Variants in NR1D2 observed in about 807,000 individuals in gnomAD.
NR1D2 encodes nuclear receptor subfamily 1 group D member 2, also known as V-erbA-related protein 1-related.
A neutral mutation model predicts 52.2 loss-of-function variants in NR1D2; 25 were observed. The ratio of observed to expected loss-of-function variants is 0.48; its 90% CI spans 0.35 to 0.67. The LOEUF (loss-of-function observed/expected upper bound fraction) is 0.67, where lower values mean the gene tolerates loss of function less well. Among genes scored for constraint, NR1D2 ranks in the 30% least tolerant of loss-of-function variants. The probability of loss-of-function intolerance (pLI) is 0.01; values close to 1 mark genes in which losing one functional copy is unlikely to be tolerated. For synonymous variants in NR1D2, 259 were observed against 230.1 expected, an observed-to-expected ratio of 1.13 and a Z score of -1.14; for missense variants, 681 against 707.2, an observed-to-expected ratio of 0.96 and a Z score of 0.42.
intron 3 of NR1D2, 95 bp downstream of exon 3, chr3:23,956,220 C>A: frequency 1.1e-6 from 1 of 911,692 alleles, no homozygotes; most frequent in Non-Finnish European, 1.8e-6. Context: ...GTCTGAGAGA[C>A]AGTGAGAAGT....
chr3:23,953,633 C>T (rs1030207035), intron 1 of NR1D2, among the ~76,000 whole-genome samples: 6 of 152,148 alleles, frequency 3.9e-5, no homozygotes, highest in Admixed American at 6.6e-5. Flanking sequence ...TGGATAGCCA[C>T]ATATGTCTTC....
At chr3:23,974,809 C>A (rs1706681021) in intron 7 of NR1D2, among the ~76,000 whole-genome samples, 1 of 151,136 alleles carries the variant, frequency 6.6e-6, no homozygotes, top group Non-Finnish European at 1.5e-5. Flanking sequence ...CCCCACAAAC[C>A]AATATCCAAT....
Position 23,954,684 on chromosome 3 carries a change from C to G in NR1D2, c.164C>G (p.Pro55Arg). The G allele has an allele frequency of 6.2e-7, 1 of 1,614,010 alleles. No individual in the cohort carries two copies. Among genetic ancestry groups the G allele is most frequent in the African/African-American group, 1.3e-5 (1 of 75,000 alleles). The change falls in exon 2 of 8, where the codon CCC becomes CGC. Residue 55 changes from proline to arginine, a missense_variant. Physicochemically the swap from Pro to Arg is moderately radical, Grantham distance 103 (BLOSUM62 -2). Coordinates refer to ENST00000312521, the MANE Select transcript of NR1D2 (RefSeq NM_005126.5). ...NSSNSDTNGN[P>R]KNGDLANIEG... ...TCTAATTCTGATACCAATGGTAATC[C>G]CAAGAATGGTGATCTCGCCAATATT...
intron 2 of NR1D2, 82 bp downstream of exon 2, chr3:23,954,885 A>G (rs1448535984): frequency 1.1e-5 from 14 of 1,276,816 alleles, no homozygotes; most frequent in Admixed American, 1.8e-5. Context: ...TTAGGTGGCC[A>G]TTATGTTTCT....
intron 6 of NR1D2, among the ~76,000 whole-genome samples, chr3:23,966,511 G>A (rs1463100103): frequency 3.9e-5 from 6 of 152,186 alleles, no homozygotes; most frequent in Non-Finnish European, 8.8e-5. Flanking sequence ...TTTACTTAAG[G>A]CATAGAGGCC....
intron 5 of NR1D2, among the ~76,000 whole-genome samples, chr3:23,964,295 T>G (rs1169759686): frequency 6.6e-6 from 1 of 152,142 alleles, no homozygotes; most frequent in Non-Finnish European, 1.5e-5. Flanking sequence ...GCCAGGCTAG[T>G]CTCGAACTCC....
At chr3:23,951,725 C>T (rs1343524037) in intron 1 of NR1D2, among the ~76,000 whole-genome samples, 1 of 152,202 alleles carries the variant, frequency 6.6e-6, no homozygotes, top group Non-Finnish European at 1.5e-5. Flanking sequence ...CATTTTGAAA[C>T]TTCAATGTGC....
chr3:23,947,992 C>T (rs765395095), intron 1 of NR1D2, among the ~76,000 whole-genome samples: 3 of 152,030 alleles, frequency 2.0e-5, no homozygotes, highest in African/African-American at 7.2e-5. Context: ...GTGGTGGGCT[C>T]CTGTAATCCC....
chr3:23,945,464 G>C lies in NR1D2; in HGVS notation c.-115G>C. ...AGCCCCGCCCGCTCTGCCCATGAGG[G>C]GGCCCCGCGACCACCGCTGCTTCCA... On this transcript the variant is annotated 5_prime_UTR_variant, in exon 1 of 8. Transcript: ENST00000312521. 1 of 518,278 alleles carries C rather than the reference G, an allele frequency of 1.9e-6. No homozygotes were observed. Among genetic ancestry groups the C allele is most frequent in the Non-Finnish European group, 2.6e-6 (1 of 388,140 alleles). The allele number at this position is 518,278 out of a possible 1,614,324, so 32.1% of individuals were successfully genotyped here.
At chr3:23,959,220 TGC>T (rs750518396) in intron 3 of NR1D2, among the ~76,000 whole-genome samples, 84 of 147,710 alleles carry the variant, frequency 5.7e-4, no homozygotes, top group Middle Eastern at 7.1e-3. Flanking sequence ...GCTGTGATCA[TGC>T]CACTGCACTC....
chr3:23,967,846 G>A lies in NR1D2; in HGVS notation c.1366G>A (p.Ala456Thr). The A allele has an allele frequency of 6.2e-7, 1 of 1,613,960 alleles. No individual in the cohort carries two copies. Among genetic ancestry groups the A allele is most frequent in the Non-Finnish European group, 8.5e-7 (1 of 1,179,978 alleles). The stretch of plus-strand genomic sequence containing the variant: ...GGTACGGTTCGCATCATTATTTGAT[G>A]CAAAGGAACGTACTGTCACCTTTTT... ...LMVRFASLFDAKERTVTFLSG... is the reference protein window; with the variant it reads ...LMVRFASLFDTKERTVTFLSG... Residue 456 changes from alanine (A) to threonine (T), a missense_variant, in exon 7 of 8, where the codon GCA becomes ACA. By Grantham distance (58) the Ala-to-Thr change is moderately conservative. This residue lies in a region of NR1D2 where 475 missense variants were observed against 454.5 expected (regional missense o/e 1.05). Transcript: ENST00000312521.
rs538971289 is a variant in NR1D2, at chr3:23,957,482, C to T, written c.372+1357C>T. ...CTGTAATCCCAGCACTTTGGGAGGC[C>T]GAGGCGGGCGGATCACGAGGTCAGG... On this transcript the variant is annotated intron_variant, in intron 3 of 7. Transcript: ENST00000312521. Among the ~76,000 whole-genome samples, 81 of 140,618 alleles carry T rather than the reference C, an allele frequency of 5.8e-4. No individual in the cohort carries two copies. The East Asian group carries it at 7.1e-3, about 12-fold the overall frequency. The allele number at this position is 140,618 out of a possible 152,430, so 92.3% of individuals were successfully genotyped here. A position where few individuals can be genotyped will look rare whatever the true frequency, so the allele number is the denominator to read the frequency against.
rs1474167415 is a variant in NR1D2, at chr3:23,961,939, T to C, written c.518-38T>C. On this transcript the variant is annotated intron_variant, in intron 4 of 7. Coordinates refer to ENST00000312521, the MANE Select transcript of NR1D2 (RefSeq NM_005126.5). ...ATTCTTTTATACAAAACAGGTCTTATTTAGAATATAGACGTTAAATATCTT... is the reference window on the plus strand; with the variant it reads ...ATTCTTTTATACAAAACAGGTCTTACTTAGAATATAGACGTTAAATATCTT... The C allele has an allele frequency of 2.0e-6, 3 of 1,533,628 alleles. No homozygotes were observed. In the African/African-American group the frequency reaches 4.1e-5, roughly 21 times the overall value.
In NR1D2 at chr3:23,980,485, A is replaced by T. The variant is rs1359229052; in HGVS notation, c.*3066A>T. 6.6e-6 allele frequency: 1 copy of T among 152,104 alleles called. No homozygotes were observed. Among genetic ancestry groups the T allele is most frequent in the African/African-American group, 2.4e-5 (1 of 41,428 alleles). 9.4% of individuals were successfully genotyped at this position (152,104 alleles called of 1,614,324 possible). On this transcript the variant is annotated 3_prime_UTR_variant, in exon 8 of 8. Transcript: ENST00000312521. ...GCTATTGTTTAAAAAAATGATAGAA[A>T]TACATTGTTGATGGGATATGAGTTA...
At chr3:23,974,311 GT>G (rs1387568364) in intron 7 of NR1D2, among the ~76,000 whole-genome samples, 1 of 151,850 alleles carries the variant, frequency 6.6e-6, no homozygotes, top group Non-Finnish European at 1.5e-5. Flanking sequence ...AGTGTAATAG[GT>G]TTGCTTACCC....
intron 7 of NR1D2, among the ~76,000 whole-genome samples, chr3:23,968,714 T>G (rs1706513184): frequency 1.3e-5 from 2 of 152,218 alleles, no homozygotes; most frequent in Non-Finnish European, 2.9e-5. Flanking sequence ...GCATTAATAT[T>G]ACAGTTATTT....
intron 7 of NR1D2, among the ~76,000 whole-genome samples, chr3:23,973,468 G>A (rs886992654): frequency 3.3e-5 from 5 of 152,178 alleles, no homozygotes; most frequent in Admixed American, 6.5e-5. Context: ...AAAAGGTACA[G>A]TAACAATAGA....
Position 23,950,010 on chromosome 3 carries a change from C to A in NR1D2, c.16+4416C>A, listed in dbSNP as rs542161958. ...CCTGGCCCAGGTCCAGGGTCCCTTT[C>A]AACTGAAAATAGAGAAGACTGCTTC... On this transcript the variant is annotated intron_variant, in intron 1 of 7. Transcript: ENST00000312521. 2.0e-5 allele frequency among the ~76,000 whole-genome samples: 3 copies of A among 152,304 alleles called. No individual in the cohort carries two copies. The South Asian group carries it at 6.2e-4, about 32-fold the overall frequency.
rs1491425264 is a variant in NR1D2 at position 23,978,695 on chromosome 3, CAT to C, written c.*1277_*1278del. The C allele has an allele frequency of 2.0e-5, 3 of 151,886 alleles. No homozygotes were observed. Among genetic ancestry groups the C allele is most frequent in the Non-Finnish European group, 2.9e-5 (2 of 67,928 alleles). 9.4% of individuals were successfully genotyped at this position (151,886 alleles called of 1,614,324 possible). On this transcript the variant is annotated 3_prime_UTR_variant, in exon 8 of 8. Transcript: ENST00000312521. Reference sequence around the variant, plus strand: ...TTAAAGCAACTGTTTAATATGATGGCATGTGTGTGTGTGCGTGCGTGTGTATG... The same window carrying C: ...TTAAAGCAACTGTTTAATATGATGGCGTGTGTGTGTGCGTGCGTGTGTATG...
Sources: allele counts gnomAD v4.1 joint callset (sites outside exome capture counted in the v4.1 genomes callset), GRCh38; gene constraint gnomAD v4.1.1; regional missense constraint gnomAD v4.1.1; transcripts MANE v1.5; gene names NCBI Gene and HGNC (gene_info 2026-07-23, HGNC 2026-07-21).